The following NRG1 variants were observed in gnomAD, a reference collection of about 807,000 sequenced individuals.
The protein encoded by NRG1 is neuregulin 1, also known as pro-neuregulin-1, membrane-bound isoform.
In NRG1, 18 loss-of-function variants were observed where a neutral mutation model predicts 63.8. That is an observed-to-expected ratio of 0.28 (90% CI 0.19 to 0.42). The LOEUF is 0.42. Ranked by LOEUF, NRG1 falls within the 10% of genes least tolerant of loss-of-function variation. The pLI is 1.00. For synonymous variants in NRG1, 302 were observed against 301.3 expected (o/e 1.00, Z -0.02); for missense variants, 762 against 814.7 (o/e 0.94, Z 0.79).
chr8:32,487,623 G>A (rs932656023), intron 1 of NRG1, among the ~76,000 whole-genome samples: 4 of 152,160 alleles, frequency 2.6e-5, no homozygotes, highest in Non-Finnish European at 5.9e-5. Context: ...CTCTTGGATT[G>A]CTTGAGACCG....
chr8:32,349,167 T>C (rs1250817650), intron 1 of NRG1, among the ~76,000 whole-genome samples: 3 of 152,154 alleles, frequency 2.0e-5, no homozygotes, highest in Non-Finnish European at 4.4e-5. Context: ...TTAGTGCATG[T>C]TCCTAGTTAT....
chr8:32,671,887 GAA>G (rs1308330097), intron 5 of NRG1, among the ~76,000 whole-genome samples: 1 of 152,080 alleles, frequency 6.6e-6, no homozygotes, highest in Non-Finnish European at 1.5e-5. Context: ...TAAGTGAAAA[GAA>G]AAAGTCTTCA....
chr8:31,853,201 C>G (rs893730238), intron 1 of NRG1, among the ~76,000 whole-genome samples: 3 of 152,120 alleles, frequency 2.0e-5, no homozygotes, highest in Non-Finnish European at 4.4e-5. Flanking sequence ...TTACCTTAGG[C>G]AGTAAGGTCA....
At chr8:31,757,244 A>G (rs1273090034) in intron 1 of NRG1, among the ~76,000 whole-genome samples, 1 of 152,134 alleles carries the variant, frequency 6.6e-6, no homozygotes, top group Non-Finnish European at 1.5e-5. Flanking sequence ...AGGAGATGAA[A>G]AAAATGTTGC....
At position 32,315,567 on chromosome 8, in the gene NRG1, G is replaced by C. The variant is rs189869952; in HGVS notation, c.38-280261G>C. On this transcript the variant is annotated intron_variant, in intron 1 of 10. Coordinates refer to the NRG1 transcript ENST00000519301. ...CACACTCACCGAACTTTGCTTCACT[G>C]TCTATCAGAAAACTGCCAGTTTTTC... Among the ~76,000 whole-genome samples, 18 of 152,320 alleles carry C rather than the reference G, an allele frequency of 1.2e-4. No homozygotes were observed. The East Asian group carries it at 3.3e-3, about 28-fold the overall frequency.
intron 1 of NRG1, among the ~76,000 whole-genome samples, chr8:31,876,337 G>A (rs1306024249): frequency 6.6e-6 from 1 of 152,138 alleles, no homozygotes; most frequent in East Asian, 1.9e-4. Flanking sequence ...ACTGGTTATT[G>A]CAAGCATTAA....
intron 1 of NRG1, among the ~76,000 whole-genome samples, chr8:32,263,925 A>G (rs1172708185): frequency 6.6e-6 from 1 of 152,146 alleles, no homozygotes; most frequent in African/African-American, 2.4e-5. Context: ...AGCTGAGGGT[A>G]TTTAAGAATC....
At chr8:31,644,481 G>T (rs181395750) in intron 1 of NRG1, among the ~76,000 whole-genome samples, 1 of 152,036 alleles carries the variant, frequency 6.6e-6, no homozygotes, top group Admixed American at 6.6e-5. Flanking sequence ...GTTGTTGTGG[G>T]GTATCTATAA....
chr8:32,382,385 G>T (rs1480657048), intron 1 of NRG1, among the ~76,000 whole-genome samples: 6 of 152,092 alleles, frequency 3.9e-5, no homozygotes, highest in Non-Finnish European at 8.8e-5. Flanking sequence ...TGATTTCTGG[G>T]TTCAGAAGAT....
At position 31,699,089 on chromosome 8, in the gene NRG1, G is replaced by C. The variant is rs1197926699; in HGVS notation, c.37+59658G>C. Among the ~76,000 whole-genome samples, 6 of 152,112 alleles carry C rather than the reference G, an allele frequency of 3.9e-5. No homozygotes were observed. In the East Asian group the frequency reaches 9.6e-4, roughly 24 times the overall value. On this transcript the variant is annotated intron_variant, in intron 1 of 10. Transcript: ENST00000519301. ...GTGATTAAATAATTTAATATCACTGGGAGAGTTACTTATTATGTGTTTTAT... is the reference window on the plus strand; with the variant it reads ...GTGATTAAATAATTTAATATCACTGCGAGAGTTACTTATTATGTGTTTTAT...
chr8:32,548,813 C>G, exon 1 of NRG1: 1 of 1,572,180 alleles, frequency 6.4e-7, no homozygotes, highest in Non-Finnish European at 8.6e-7. Flanking sequence ...CCGCGGCGGG[C>G]AGCCAGAGCC....
intron 1 of NRG1, among the ~76,000 whole-genome samples, chr8:31,746,168 T>C (rs1586105929): frequency 6.6e-6 from 1 of 151,878 alleles, no homozygotes; most frequent in Non-Finnish European, 1.5e-5. Flanking sequence ...TATTTTGGTT[T>C]GGAGAGAACA....
At chr8:31,833,414 G>A (rs755684090) in intron 1 of NRG1, among the ~76,000 whole-genome samples, 11 of 152,162 alleles carry the variant, frequency 7.2e-5, no homozygotes, top group Non-Finnish European at 1.3e-4. Flanking sequence ...GACCTGTAGA[G>A]TTCTTACCCC....
chr8:32,200,952 A>G (rs1316411241), intron 1 of NRG1, among the ~76,000 whole-genome samples: 2 of 152,076 alleles, frequency 1.3e-5, no homozygotes, highest in East Asian at 3.9e-4. Flanking sequence ...GTCTAATAAC[A>G]CCTTATGCAG....
At chr8:32,286,832 A>G (rs909620701) in intron 1 of NRG1, among the ~76,000 whole-genome samples, 3 of 152,108 alleles carry the variant, frequency 2.0e-5, no homozygotes, top group African/African-American at 7.2e-5. Context: ...CCCTGTCTGT[A>G]CTAAAAATAC....
intron 1 of NRG1, among the ~76,000 whole-genome samples, chr8:32,267,189 A>G (rs1283956924): frequency 8.4e-6 from 1 of 119,538 alleles, no homozygotes; most frequent in Admixed American, 7.8e-5. Context: ...AGGAGAAAGA[A>G]GGAAGGAAGG....
At chr8:32,369,645 T>TCA (rs1207669866) in intron 1 of NRG1, among the ~76,000 whole-genome samples, 1 of 152,168 alleles carries the variant, frequency 6.6e-6, no homozygotes, top group East Asian at 1.9e-4. Context: ...TGTGAGGAGA[T>TCA]CACCTTTATT....
chr8:31,799,990 G>A (rs1213675978), intron 1 of NRG1, among the ~76,000 whole-genome samples: 2 of 152,202 alleles, frequency 1.3e-5, no homozygotes, highest in African/African-American at 2.4e-5. Context: ...TTGAAGCCAT[G>A]TTGAACCTAT....
At chr8:32,050,840 T>G (rs1821864012) in intron 1 of NRG1, among the ~76,000 whole-genome samples, 1 of 152,204 alleles carries the variant, frequency 6.6e-6, no homozygotes, top group African/African-American at 2.4e-5. Flanking sequence ...GAGGCTGAGA[T>G]AGCCATCATG....
Sources: allele counts gnomAD v4.1 joint callset (sites outside exome capture counted in the v4.1 genomes callset), GRCh38; gene constraint gnomAD v4.1.1; transcripts MANE v1.5; gene names NCBI Gene and HGNC (gene_info 2026-07-23, HGNC 2026-07-21).